The following STARD13 variants were observed in gnomAD, a reference collection of about 807,000 sequenced individuals.
The protein encoded by STARD13 is stAR-related lipid transfer protein 13.
A neutral mutation model predicts 106.4 loss-of-function variants in STARD13; 62 were observed. The ratio of observed to expected loss-of-function variants is 0.58; its 90% confidence interval spans 0.48 to 0.72. STARD13 has a LOEUF of 0.72. Among genes scored for constraint, STARD13 ranks in the 30% least tolerant of loss-of-function variants. The pLI is 0.00. For synonymous variants in STARD13, 565 were observed against 553.0 expected (o/e 1.02, Z -0.31); for missense variants, 1,387 against 1,424.0 (o/e 0.97, Z 0.42).
chr13:33,450,854 G>A, the STARD13 span, among the ~76,000 whole-genome samples: 52 of 152,180 alleles, frequency 3.4e-4, no homozygotes, highest in African/African-American at 1.2e-3. Context: ...GGCCGTTTGG[G>A]GAAATGCAGG....
chr13:33,415,687 A>G, the STARD13 span, among the ~76,000 whole-genome samples: 1 of 151,984 alleles, frequency 6.6e-6, no homozygotes, highest in African/African-American at 2.4e-5. Context: ...TGCTGGTTTC[A>G]TAAACACCTT....
intron 1 of STARD13, among the ~76,000 whole-genome samples, chr13:33,242,072 C>T (rs541894656): frequency 4.3e-4 from 65 of 151,920 alleles, no homozygotes; most frequent in African/African-American, 1.4e-3. Context: ...TCTGCCTGGC[C>T]GCAACCCAGT....
At chr13:33,162,448 C>T (rs1349354751) in intron 3 of STARD13, among the ~76,000 whole-genome samples, 1 of 152,232 alleles carries the variant, frequency 6.6e-6, no homozygotes, top group Admixed American at 6.5e-5. Context: ...AATTTCTCCT[C>T]AGAAAATGTG....
chr13:33,200,465 C>T (rs1179765813), intron 1 of STARD13, among the ~76,000 whole-genome samples: 1 of 152,222 alleles, frequency 6.6e-6, no homozygotes, highest in East Asian at 1.9e-4. Context: ...CGGTCATTAA[C>T]ACTTAAGTTC....
At chr13:33,288,168 G>A (rs1025470869), upstream of STARD13, among the ~76,000 whole-genome samples, 2 of 152,034 alleles carry the variant, frequency 1.3e-5, no homozygotes, top group African/African-American at 4.8e-5. Context: ...TGTTGAAAGT[G>A]CTGGGGTGTC....
Position 33,121,669 on chromosome 13 carries a change from C to CTTT in STARD13, c.2083-3409_2083-3407dup, listed in dbSNP as rs398022242. ...ATGGAGAAGAAACCTGTTGTTCATC[C>CTTT]TTTTTTTTTTTTTTTTTTGAGACAG... On this transcript the variant is annotated intron_variant, in intron 7 of 13. Transcript: ENST00000336934. Among the ~76,000 whole-genome samples the CTTT allele has an allele frequency of 6.9e-3, 761 of 110,436 alleles. 33 individuals are homozygous for CTTT. Among genetic ancestry groups the CTTT allele is most frequent in the East Asian group, 0.01 (37 of 3,610 alleles). The allele number at this position is 110,436 out of a possible 152,430, so 72.5% of individuals were successfully genotyped here.
At chr13:33,290,769 T>C (rs1037709306) in intron 1 of STARD13, among the ~76,000 whole-genome samples, 5 of 152,270 alleles carry the variant, frequency 3.3e-5, no homozygotes, top group African/African-American at 1.2e-4. Context: ...GTCTGTCCTG[T>C]CCTGGGACCA....
the STARD13 span, among the ~76,000 whole-genome samples, chr13:33,532,897 G>A: frequency 2.6e-5 from 4 of 152,120 alleles, no homozygotes; most frequent in Non-Finnish European, 2.9e-5. Context: ...AGTGGTTCTT[G>A]TGGACCAGAT....
At chr13:33,643,565 A>G in the STARD13 span, among the ~76,000 whole-genome samples, 1 of 152,256 alleles carries the variant, frequency 6.6e-6, no homozygotes, top group Admixed American at 6.5e-5. Context: ...TTTGTTCACG[A>G]GACACAATAA....
At chr13:33,649,893 T>C in the STARD13 span, among the ~76,000 whole-genome samples, 1 of 152,094 alleles carries the variant, frequency 6.6e-6, no homozygotes, top group Non-Finnish European at 1.5e-5. Flanking sequence ...AAAATAAAAA[T>C]TAATAGTCGT....
At chr13:33,666,693 C>A in the STARD13 span, among the ~76,000 whole-genome samples, 1 of 152,144 alleles carries the variant, frequency 6.6e-6, no homozygotes, top group African/African-American at 2.4e-5. Context: ...CCGGTTCAAG[C>A]AATTTTACTG....
chr13:33,569,909 C>A, the STARD13 span, among the ~76,000 whole-genome samples: 45 of 147,036 alleles, frequency 3.1e-4, 4 homozygotes, highest in African/African-American at 1.0e-3. Context: ...ACTTTGGGGA[C>A]TTGGGGAGAA....
At chr13:33,192,803 C>T (rs777587592) in intron 1 of STARD13, among the ~76,000 whole-genome samples, 5 of 152,084 alleles carry the variant, frequency 3.3e-5, no homozygotes, top group Non-Finnish European at 7.4e-5. Context: ...GAGGCTGAGG[C>T]AGGACGATTG....
intron 3 of STARD13, among the ~76,000 whole-genome samples, chr13:33,160,838 T>C (rs2138333700): frequency 6.6e-6 from 1 of 152,336 alleles, no homozygotes; most frequent in African/African-American, 2.4e-5. Context: ...AGATAATATT[T>C]CACTTTGGAA....
chr13:33,623,340 T>G, the STARD13 span, among the ~76,000 whole-genome samples: 1 of 151,190 alleles, frequency 6.6e-6, no homozygotes, highest in African/African-American at 2.4e-5. Flanking sequence ...TACAAAATAT[T>G]TTTCAACTTT....
At chr13:33,661,013 T>G in the STARD13 span, among the ~76,000 whole-genome samples, 1 of 152,226 alleles carries the variant, frequency 6.6e-6, no homozygotes, top group African/African-American at 2.4e-5. Context: ...ATAGATTCCA[T>G]GTGACATTTG....
chr13:33,141,286 G>A (rs1448270880), intron 4 of STARD13, among the ~76,000 whole-genome samples: 1 of 152,178 alleles, frequency 6.6e-6, no homozygotes, highest in Non-Finnish European at 1.5e-5. Context: ...CTGCTCCGCC[G>A]CTAGCTGCAA....
the STARD13 span, among the ~76,000 whole-genome samples, chr13:33,519,218 T>C: frequency 0.095 from 12,572 of 132,400 alleles, 684 homozygotes; most frequent in African/African-American, 0.13. Context: ...TTTTCTTTCT[T>C]TCTTTCTTTC....
chr13:33,665,827 C>G, the STARD13 span, among the ~76,000 whole-genome samples: 1 of 151,972 alleles, frequency 6.6e-6, no homozygotes, highest in Non-Finnish European at 1.5e-5. Context: ...ACTCCAAGCT[C>G]TGACTCTCTC....
Sources: allele counts gnomAD v4.1 joint callset (sites outside exome capture counted in the v4.1 genomes callset), GRCh38; gene constraint gnomAD v4.1.1; transcripts MANE v1.5; gene names NCBI Gene and HGNC (gene_info 2026-07-23, HGNC 2026-07-21).